Variants in CDH12 observed in about 807,000 individuals in gnomAD.
CDH12 encodes the protein cadherin 12.
In CDH12, 41 loss-of-function variants were observed where a neutral mutation model predicts 74.1. That is an observed-to-expected ratio of 0.55 (90% CI 0.43 to 0.72). The LOEUF (loss-of-function observed/expected upper bound fraction) is 0.72. Among genes scored for constraint, CDH12 ranks in the 30% least tolerant of loss-of-function variants. CDH12 has a pLI of 0.00. For synonymous variants in CDH12, 399 were observed against 355.0 expected (o/e 1.12, Z -1.39); for missense variants, 945 against 977.2 (o/e 0.97, Z 0.44).
chr5:22,535,365 C>T (rs1737797675), intron 1 of CDH12, among the ~76,000 whole-genome samples: 2 of 151,862 alleles, frequency 1.3e-5, no homozygotes, highest in Admixed American at 1.3e-4. Flanking sequence ...ACCGTGTTAG[C>T]CAGGATGGTC....
At chr5:21,835,368 T>TATATATATATATATGTATACAC (rs1749474005) in intron 8 of CDH12, among the ~76,000 whole-genome samples, 1 of 125,606 alleles carries the variant, frequency 8.0e-6, no homozygotes, top group South Asian at 2.3e-4. Flanking sequence ...TATGTGTGTG[T>TATATATATATATATGTATACAC]ATATATATAT....
At chr5:22,676,709 A>G (rs370430457) in intron 1 of CDH12, among the ~76,000 whole-genome samples, 2 of 152,208 alleles carry the variant, frequency 1.3e-5, no homozygotes, top group African/African-American at 4.8e-5. Context: ...AGCAAGCCAC[A>G]TAAGTATTCA....
chr5:22,547,581 A>G (rs1020478293), intron 1 of CDH12, among the ~76,000 whole-genome samples: 1 of 152,196 alleles, frequency 6.6e-6, no homozygotes, highest in Non-Finnish European at 1.5e-5. Flanking sequence ...AATTTTAGAT[A>G]AAATTAAAAT....
chr5:22,721,271 C>T (rs1241212153), intron 1 of CDH12, among the ~76,000 whole-genome samples: 1 of 152,316 alleles, frequency 6.6e-6, no homozygotes, highest in East Asian at 1.9e-4. Context: ...GCCATGGGAG[C>T]CTACCTCTTG....
Position 22,169,119 on chromosome 5 carries a change from CCTCT to C in CDH12, c.-187+43375_-187+43378del, listed in dbSNP as rs201230841. ...CTGTCTATGTCTGTCTTCCTGTCTC[CCTCT>C]CTCTCTGCCTTTCTGTCCTATTTTT... On this transcript the variant is annotated intron_variant, in intron 4 of 14. Transcript: ENST00000382254. Among the ~76,000 whole-genome samples, 1,385 of 151,862 alleles carry C rather than the reference CCTCT, an allele frequency of 9.1e-3. 76 individuals are homozygous for C. Among genetic ancestry groups the C allele is most frequent in the Admixed American group, 0.084 (1,276 of 15,202 alleles).
chr5:22,230,474 T>C (rs1752342356), intron 3 of CDH12, among the ~76,000 whole-genome samples: 1 of 852 alleles, frequency 1.2e-3, no homozygotes, highest in African/African-American at 1.7e-3. Flanking sequence ...GATGTCATAA[T>C]TTTTTTTTTT....
intron 1 of CDH12, among the ~76,000 whole-genome samples, chr5:22,680,428 T>C (rs1456744182): frequency 6.6e-5 from 10 of 152,090 alleles, no homozygotes; most frequent in Non-Finnish European, 1.5e-5. Flanking sequence ...TTGTATCTTC[T>C]CTTTTGATTT....
At chr5:21,858,537 T>C (rs914720220) in intron 6 of CDH12, among the ~76,000 whole-genome samples, 5 of 151,964 alleles carry the variant, frequency 3.3e-5, no homozygotes, top group African/African-American at 1.2e-4. Context: ...ACATGTAATG[T>C]CTTATATGGT....
chr5:22,150,474 TAGAG>T (rs1478153251), intron 4 of CDH12, among the ~76,000 whole-genome samples: 5 of 151,598 alleles, frequency 3.3e-5, no homozygotes, highest in East Asian at 1.9e-4. Flanking sequence ...TATGTATATA[TAGAG>T]AGAGAACACT....
At chr5:22,223,999 G>A (rs763598337) in intron 3 of CDH12, among the ~76,000 whole-genome samples, 6 of 151,968 alleles carry the variant, frequency 3.9e-5, no homozygotes, top group Non-Finnish European at 7.4e-5. Flanking sequence ...AAATAATTGG[G>A]AACACAGGGA....
At chr5:22,489,676 C>T (rs1746779333) in intron 2 of CDH12, among the ~76,000 whole-genome samples, 1 of 149,468 alleles carries the variant, frequency 6.7e-6, no homozygotes, top group African/African-American at 2.5e-5. Flanking sequence ...TTTGTGATGC[C>T]TTGTGCAGTG....
At chr5:22,091,197 GTATATATATA>G (rs144921991) in intron 4 of CDH12, among the ~76,000 whole-genome samples, 1 of 132,230 alleles carries the variant, frequency 7.6e-6, no homozygotes, top group African/African-American at 3.0e-5. Context: ...GTGTGTGTGT[GTATATATATA>G]TATATATATA....
chr5:22,513,956 A>G (rs2126675864), intron 1 of CDH12, among the ~76,000 whole-genome samples: 1 of 151,578 alleles, frequency 6.6e-6, no homozygotes, highest in East Asian at 1.9e-4. Flanking sequence ...GTCAGGAAAA[A>G]AAAAAAAAAA....
intron 3 of CDH12, among the ~76,000 whole-genome samples, chr5:22,309,023 A>T (rs994029095): frequency 1.7e-4 from 26 of 152,086 alleles, no homozygotes; most frequent in African/African-American, 6.3e-4. Flanking sequence ...AGAGAAAGAG[A>T]AAGACGCTCA....
intron 1 of CDH12, among the ~76,000 whole-genome samples, chr5:22,787,719 G>A (rs1291842489): frequency 6.6e-6 from 1 of 151,984 alleles, no homozygotes; most frequent in Non-Finnish European, 1.5e-5. Flanking sequence ...AGTAGCTCTC[G>A]CTACAAACAT....
intron 1 of CDH12, among the ~76,000 whole-genome samples, chr5:22,606,417 C>T (rs1052817164): frequency 6.6e-6 from 1 of 152,134 alleles, no homozygotes; most frequent in Admixed American, 6.5e-5. Flanking sequence ...GTAATAATCC[C>T]CACATGTCAA....
chr5:22,261,656 T>C (rs1753517408), intron 3 of CDH12, among the ~76,000 whole-genome samples: 1 of 152,080 alleles, frequency 6.6e-6, no homozygotes, highest in Non-Finnish European at 1.5e-5. Context: ...AATCAAACAC[T>C]GGAGAAAAGT....
chr5:21,853,336 T>C (rs552331483), intron 7 of CDH12, among the ~76,000 whole-genome samples: 180 of 151,776 alleles, frequency 1.2e-3, no homozygotes, highest in Non-Finnish European at 2.5e-3. Context: ...TAAGCCATTC[T>C]GGATTCTCTT....
intron 5 of CDH12, among the ~76,000 whole-genome samples, chr5:21,992,496 A>ATTT: frequency 6.6e-6 from 1 of 152,102 alleles, no homozygotes; most frequent in East Asian, 1.9e-4. Flanking sequence ...GAAGCTACTA[A>ATTT]TTTATTATTA....
Sources: gnomAD v4.1 joint callset for allele counts (sites outside exome capture counted in the v4.1 genomes callset) on GRCh38, gnomAD v4.1.1 for gene constraint, MANE v1.5 for transcripts, NCBI Gene and HGNC (gene_info 2026-07-23, HGNC 2026-07-21) for gene names.